Variants in GPM6A observed in about 807,000 individuals in gnomAD.
GPM6A encodes neuronal membrane glycoprotein M6-a.
A neutral mutation model predicts 32.1 loss-of-function variants in GPM6A; 7 were observed. That is an observed-to-expected ratio of 0.22 (90% confidence interval 0.12 to 0.41). The LOEUF is 0.41. Among genes scored for constraint, GPM6A ranks in the 10% least tolerant of loss-of-function variants. The pLI, the probability that GPM6A is intolerant of heterozygous loss-of-function variation, is 1.00. For missense variants in GPM6A, 235 were observed against 347.2 expected (o/e 0.68, Z 2.57); for synonymous variants, 130 against 123.4 (o/e 1.05, Z -0.35).
At chr4:175,784,194 C>T (rs1375056054) in intron 1 of GPM6A, among the ~76,000 whole-genome samples, 1 of 152,052 alleles carries the variant, frequency 6.6e-6, no homozygotes, top group Non-Finnish European at 1.5e-5. Context: ...TCTATAATCC[C>T]ATTCTAATCA....
At chr4:175,636,260 G>GTATATATC in intron 6 of GPM6A, among the ~76,000 whole-genome samples, 1 of 101,320 alleles carries the variant, frequency 9.9e-6, no homozygotes, top group South Asian at 3.1e-4. Flanking sequence ...CATAATCACT[G>GTATATATC]TATATATATA....
chr4:175,868,957 G>C (rs527949137), intron 1 of GPM6A, among the ~76,000 whole-genome samples: 1 of 152,262 alleles, frequency 6.6e-6, no homozygotes, highest in South Asian at 2.1e-4. Flanking sequence ...TTGATGACTT[G>C]AGTTGGTCTA....
At chr4:175,862,734 C>CT (rs1040876363) in intron 1 of GPM6A, among the ~76,000 whole-genome samples, 36 of 146,916 alleles carry the variant, frequency 2.5e-4, no homozygotes, top group East Asian at 4.0e-4. Flanking sequence ...ATGTTTTTGT[C>CT]TTTTTTTTTT....
At chr4:175,996,304 T>A (rs558502188) in intron 1 of GPM6A, among the ~76,000 whole-genome samples, 2 of 152,274 alleles carry the variant, frequency 1.3e-5, no homozygotes, top group Admixed American at 1.3e-4. Flanking sequence ...GTTAAATACA[T>A]CTCTTCAAAA....
chr4:175,883,007 T>C (rs993424307), intron 1 of GPM6A, among the ~76,000 whole-genome samples: 1 of 151,970 alleles, frequency 6.6e-6, no homozygotes, highest in Non-Finnish European at 1.5e-5. Context: ...TCATCAAAAA[T>C]AGAAAAAAGA....
intron 1 of GPM6A, among the ~76,000 whole-genome samples, chr4:175,876,364 A>G (rs1289650011): frequency 6.6e-6 from 1 of 152,192 alleles, no homozygotes; most frequent in Non-Finnish European, 1.5e-5. Context: ...AAATTCATTA[A>G]ATGCATTAGA....
chr4:175,685,814 C>G (rs1189286665), intron 2 of GPM6A, among the ~76,000 whole-genome samples: 1 of 152,132 alleles, frequency 6.6e-6, no homozygotes, highest in Non-Finnish European at 1.5e-5. Flanking sequence ...TACACCCCCC[C>G]ACACACATAT....
At chr4:175,993,685 TTGA>T (rs1487416517) in intron 1 of GPM6A, among the ~76,000 whole-genome samples, 1 of 152,238 alleles carries the variant, frequency 6.6e-6, no homozygotes, top group Non-Finnish European at 1.5e-5. Context: ...GGCAAATAGC[TTGA>T]TGATAAGAGT....
chr4:175,814,239 A>G (rs1243161917), upstream of GPM6A, among the ~76,000 whole-genome samples: 4 of 152,206 alleles, frequency 2.6e-5, no homozygotes, highest in Non-Finnish European at 5.9e-5. Flanking sequence ...ACATACATTA[A>G]CCCGTTGTAA....
chr4:175,824,528 CA>C (rs1411352946), intron 1 of GPM6A, among the ~76,000 whole-genome samples: 1 of 152,084 alleles, frequency 6.6e-6, no homozygotes, highest in Non-Finnish European at 1.5e-5. Flanking sequence ...TGCCAGATAT[CA>C]TACATTTTTT....
intron 1 of GPM6A, among the ~76,000 whole-genome samples, chr4:175,894,500 T>C (rs574013832): frequency 6.6e-6 from 1 of 152,240 alleles, no homozygotes; most frequent in African/African-American, 2.4e-5. Context: ...ACAATTGCTT[T>C]TCATGAAAAG....
chr4:175,640,190 T>C lies in GPM6A; in HGVS notation c.623A>G (p.Asn208Ser). 6.2e-7 allele frequency: 1 copy of C among 1,613,296 alleles called. No homozygotes were observed. Among genetic ancestry groups the C allele is most frequent in the East Asian group, 2.2e-5 (1 of 44,860 alleles). ...FLRMCESTEL[N>S]MTFHLFIVAL... is the part of the protein sequence containing the mutation. ...CACAATAAACAAGTGGAAGGTCATG[T>C]TCAGCTGCAATGGAAACCACAGAGA... The change falls in exon 6 of 7, where the codon AAC (asparagine) becomes AGC (serine). Residue 208 changes from asparagine to serine, a missense_variant. By Grantham distance (46) the Asn-to-Ser change is conservative (BLOSUM62 1). Coordinates refer to ENST00000393658, the MANE Select transcript of GPM6A (RefSeq NM_201591.3).
At chr4:175,809,272 G>T (rs1378770362) in intron 1 of GPM6A, among the ~76,000 whole-genome samples, 1 of 152,100 alleles carries the variant, frequency 6.6e-6, no homozygotes, top group Non-Finnish European at 1.5e-5. Flanking sequence ...AGTAACTGGG[G>T]TCCTTGTTGC....
At chr4:175,958,222 G>A (rs1740051280) in intron 1 of GPM6A, among the ~76,000 whole-genome samples, 1 of 152,212 alleles carries the variant, frequency 6.6e-6, no homozygotes, top group African/African-American at 2.4e-5. Context: ...ATGCTGGAGA[G>A]CATTGCCTAT....
chr4:175,777,520 A>C (rs1733443755), intron 1 of GPM6A, among the ~76,000 whole-genome samples: 1 of 152,026 alleles, frequency 6.6e-6, no homozygotes, highest in Non-Finnish European at 1.5e-5. Flanking sequence ...TCTCTTCTTT[A>C]TTAACTTAGT....
chr4:175,637,665 AATAT>A (rs1161373497), intron 6 of GPM6A, among the ~76,000 whole-genome samples: 2 of 16,682 alleles, frequency 1.2e-4, no homozygotes, highest in African/African-American at 1.9e-4. Context: ...TAAAATATAT[AATAT>A]ATATAATATA....
At chr4:175,643,291 C>T (rs1741262143) in intron 4 of GPM6A, among the ~76,000 whole-genome samples, 1 of 152,158 alleles carries the variant, frequency 6.6e-6, no homozygotes, top group Non-Finnish European at 1.5e-5. Flanking sequence ...TCTGTAATGA[C>T]TCTCTACTCC....
At chr4:175,691,072 T>C (rs1744270962) in intron 2 of GPM6A, among the ~76,000 whole-genome samples, 1 of 152,224 alleles carries the variant, frequency 6.6e-6, no homozygotes. Context: ...AGTGTCCTTT[T>C]ATCAACATGC....
At chr4:175,876,848 T>C (rs1033593276) in intron 1 of GPM6A, among the ~76,000 whole-genome samples, 1 of 152,146 alleles carries the variant, frequency 6.6e-6, no homozygotes, top group African/African-American at 2.4e-5. Context: ...CCTCATCTGG[T>C]TCTCTGTATT....
Sources: allele counts gnomAD v4.1 joint callset (sites outside exome capture counted in the v4.1 genomes callset), GRCh38; gene constraint gnomAD v4.1.1; transcripts MANE v1.5; gene names NCBI Gene and HGNC (gene_info 2026-07-23, HGNC 2026-07-21).